The following NXPH1 variants were observed in gnomAD, a reference collection of about 807,000 sequenced individuals.
The protein encoded by NXPH1 is neurexophilin 1.
A neutral mutation model predicts 23.7 loss-of-function variants in NXPH1; 5 were observed. The observed-to-expected ratio is 0.21, with a 90% CI of 0.11 to 0.44. NXPH1 has a LOEUF of 0.44. Among genes scored for constraint, NXPH1 ranks in the 20% least tolerant of loss-of-function variants. The pLI is 0.99. For synonymous variants in NXPH1, 144 were observed against 122.2 expected, an observed-to-expected ratio of 1.18 and a Z score of -1.18; for missense variants, 324 against 321.6, an observed-to-expected ratio of 1.01 and a Z score of -0.06.
intron 2 of NXPH1, among the ~76,000 whole-genome samples, chr7:8,692,214 G>T (rs768017702): frequency 6.6e-6 from 1 of 152,086 alleles, no homozygotes; most frequent in South Asian, 2.1e-4. Context: ...TAATTGAAGT[G>T]TGTTATATAA....
intron 2 of NXPH1, among the ~76,000 whole-genome samples, chr7:8,530,687 G>A (rs1179048305): frequency 6.6e-6 from 1 of 152,218 alleles, no homozygotes; most frequent in East Asian, 1.9e-4. Flanking sequence ...TCTCAGGGGT[G>A]AGGTGAGAGC....
chr7:8,532,356 G>A (rs1817960384), intron 2 of NXPH1, among the ~76,000 whole-genome samples: 1 of 151,546 alleles, frequency 6.6e-6, no homozygotes, highest in African/African-American at 2.4e-5. Flanking sequence ...GACACCTTCA[G>A]GCAGGAAAGA....
intron 2 of NXPH1, among the ~76,000 whole-genome samples, chr7:8,700,197 C>T (rs1314402630): frequency 6.6e-6 from 1 of 152,128 alleles, no homozygotes; most frequent in East Asian, 1.9e-4. Flanking sequence ...CGTTTATGAG[C>T]AGTTTGAATG....
intron 2 of NXPH1, among the ~76,000 whole-genome samples, chr7:8,638,093 C>T (rs779642837): frequency 1.3e-5 from 2 of 152,164 alleles, no homozygotes; most frequent in Admixed American, 6.6e-5. Flanking sequence ...AAAACTCCAG[C>T]TTGTAGCGAC....
At chr7:8,684,047 A>G (rs1395202661) in intron 2 of NXPH1, among the ~76,000 whole-genome samples, 1 of 152,136 alleles carries the variant, frequency 6.6e-6, no homozygotes, top group African/African-American at 2.4e-5. Flanking sequence ...GAGAGAGATG[A>G]AAGAACTGTA....
chr7:8,470,942 G>A (rs186733185), intron 2 of NXPH1, among the ~76,000 whole-genome samples: 8 of 151,996 alleles, frequency 5.3e-5, no homozygotes, highest in African/African-American at 1.9e-4. Context: ...AAATTCTATG[G>A]TTCAGAGAGG....
At chr7:8,478,109 A>C (rs1817008434) in intron 2 of NXPH1, among the ~76,000 whole-genome samples, 1 of 152,100 alleles carries the variant, frequency 6.6e-6, no homozygotes, top group Admixed American at 6.6e-5. Context: ...TTTCTCTGAG[A>C]TTGGATTGTC....
chr7:8,543,320 C>CT (rs1173149692), intron 2 of NXPH1, among the ~76,000 whole-genome samples: 1 of 151,748 alleles, frequency 6.6e-6, no homozygotes, highest in East Asian at 1.9e-4. Context: ...ATCTTACCTG[C>CT]TATGGACTTC....
chr7:8,532,901 T>C (rs1430182616), intron 2 of NXPH1, among the ~76,000 whole-genome samples: 1 of 152,180 alleles, frequency 6.6e-6, no homozygotes, highest in Non-Finnish European at 1.5e-5. Context: ...TGGGGGTAAA[T>C]GAGGCAATGT....
At chr7:8,444,310 C>T (rs369330659) in intron 2 of NXPH1, among the ~76,000 whole-genome samples, 1 of 152,124 alleles carries the variant, frequency 6.6e-6, no homozygotes, top group Non-Finnish European at 1.5e-5. Context: ...AAAGAGCGGT[C>T]GGAAGGTGAG....
chr7:8,748,307 A>G (rs1167693528), intron 2 of NXPH1, among the ~76,000 whole-genome samples: 1 of 152,196 alleles, frequency 6.6e-6, no homozygotes, highest in East Asian at 1.9e-4. Flanking sequence ...GAAAGGAGAG[A>G]TACCAAAGCA....
At chr7:8,633,081 C>T (rs1004819011) in intron 2 of NXPH1, among the ~76,000 whole-genome samples, 15 of 152,244 alleles carry the variant, frequency 9.9e-5, no homozygotes, top group African/African-American at 1.7e-4. Context: ...TACATGCAAC[C>T]AAACTCACAT....
intron 2 of NXPH1, among the ~76,000 whole-genome samples, chr7:8,680,078 G>T (rs539188052): frequency 1.3e-5 from 2 of 152,336 alleles, no homozygotes; most frequent in Non-Finnish European, 2.9e-5. Flanking sequence ...AGTGGTATTT[G>T]TTCATGACCT....
chr7:8,751,186 C>T lies in NXPH1; in HGVS notation c.233C>T (p.Thr78Ile). 1.2e-6 allele frequency: 2 copies of T among 1,613,812 alleles called. No individual in the cohort carries two copies. The highest frequency in any genetic ancestry group is 1.7e-6 in the Non-Finnish European group (2 of 1,179,790). The change falls in exon 3 of 3, where the codon ACC (threonine) becomes ATC (isoleucine). Residue 78 changes from threonine to isoleucine, a missense_variant. By Grantham distance (89) the Thr-to-Ile change is moderately conservative. Transcript: ENST00000405863. The surrounding 1 kb of genome is among the most constrained non-coding windows in gnomAD (Gnocchi z 4.5). ...ACAGATTTGGACCTGAGATATGACA[C>T]CCCAGAACCTTATTCTGAGCAAGAC... ...NDTDLDLRYD[T>I]PEPYSEQDLW...
At chr7:8,676,814 C>T (rs1293013188) in intron 2 of NXPH1, among the ~76,000 whole-genome samples, 4 of 152,148 alleles carry the variant, frequency 2.6e-5, no homozygotes, top group Admixed American at 2.0e-4. Flanking sequence ...TAGTTTTATA[C>T]TCTGTTGTTT....
intron 2 of NXPH1, among the ~76,000 whole-genome samples, chr7:8,728,836 G>A (rs1780101521): frequency 6.6e-6 from 1 of 152,140 alleles, no homozygotes; most frequent in Admixed American, 6.6e-5. Context: ...TTTGGTATCA[G>A]GATGATGCTG....
At chr7:8,546,629 G>T (rs1176068975) in intron 2 of NXPH1, among the ~76,000 whole-genome samples, 1 of 151,238 alleles carries the variant, frequency 6.6e-6, no homozygotes. Context: ...CACTAACTTA[G>T]GTTGCAGGAA....
chr7:8,743,729 G>C (rs1269786439), intron 2 of NXPH1, among the ~76,000 whole-genome samples: 9 of 151,010 alleles, frequency 6.0e-5, no homozygotes, highest in Non-Finnish European at 1.3e-4. Flanking sequence ...TGTGGCCCAG[G>C]CTGGAGTGCA....
chr7:8,501,877 G>C (rs1386079509), intron 2 of NXPH1, among the ~76,000 whole-genome samples: 4 of 152,088 alleles, frequency 2.6e-5, no homozygotes, highest in Non-Finnish European at 5.9e-5. Flanking sequence ...GGCAATTAGA[G>C]GGTAAGGCCT....
Sources: gnomAD v4.1 joint callset for allele counts (sites outside exome capture counted in the v4.1 genomes callset) on GRCh38, gnomAD v4.1.1 for gene constraint, Gnocchi (gnomAD v3.1) non-coding constraint, MANE v1.5 for transcripts, NCBI Gene and HGNC (gene_info 2026-07-23, HGNC 2026-07-21) for gene names.